The following USO1 variants were observed in gnomAD, a reference collection of about 807,000 sequenced individuals.
The protein encoded by USO1 is USO1 vesicle transport factor.
In USO1, 57 loss-of-function variants were observed where a neutral mutation model predicts 124.5. The ratio of observed to expected loss-of-function variants is 0.46; its 90% CI spans 0.37 to 0.57. The LOEUF (loss-of-function observed/expected upper bound fraction) is 0.57, where lower values mean the gene tolerates loss of function less well. USO1 is among the 20% of genes least tolerant of loss of function. The pLI is 0.00. For synonymous variants in USO1, 369 were observed against 362.8 expected (o/e 1.02, Z -0.19); for missense variants, 900 against 1,040.6 (o/e 0.86, Z 1.86).
chr4:75,809,332 A>G (rs1723081614), intron 21 of USO1, among the ~76,000 whole-genome samples: 1 of 152,128 alleles, frequency 6.6e-6, no homozygotes. Flanking sequence ...CTGCTGTCAT[A>G]AAATATTCAG....
intron 7 of USO1, among the ~76,000 whole-genome samples, chr4:75,773,325 T>C (rs1343184870): frequency 6.6e-6 from 1 of 150,768 alleles, no homozygotes; most frequent in Non-Finnish European, 1.5e-5. Flanking sequence ...CTTTTTTTTA[T>C]TTTAATAAAC....
At position 75,800,675 on chromosome 4, in the gene USO1, A is replaced by T; in HGVS notation, c.1740A>T (p.Lys580Asn). ...KRIGKENFIE[K>N]LGFISKHELY... ...TTGGCAAAGAGAATTTCATAGAGAAACTAGGATTTATTAGCAAACATGAGT... is the reference window on the plus strand; with the variant it reads ...TTGGCAAAGAGAATTTCATAGAGAATCTAGGATTTATTAGCAAACATGAGT... The change falls in exon 16 of 24, where the codon AAA becomes AAT. Residue 580 changes from lysine (K) to asparagine (N), a missense_variant. This residue lies in a region of USO1 where 538 missense variants were observed against 681.6 expected (regional missense o/e 0.79). Coordinates refer to ENST00000514213, the MANE Select transcript of USO1 (RefSeq NM_003715.4). 1 of 1,598,950 alleles carries T rather than the reference A, an allele frequency of 6.3e-7. No individual in the cohort carries two copies. Among genetic ancestry groups the T allele is most frequent in the Non-Finnish European group, 8.5e-7 (1 of 1,175,706 alleles).
intron 4 of USO1, among the ~76,000 whole-genome samples, chr4:75,765,597 G>A (rs1721747985): frequency 6.6e-6 from 1 of 150,544 alleles, no homozygotes; most frequent in South Asian, 2.1e-4. Flanking sequence ...AAATAAAATG[G>A]GAAGGGTGTG....
chr4:75,805,166 T>TA lies in USO1; in HGVS notation c.2153dup (p.Tyr718Ter). 6.2e-7 allele frequency: 1 copy of TA among 1,605,162 alleles called. No individual in the cohort carries two copies. Among genetic ancestry groups the TA allele is most frequent in the South Asian group, 1.1e-5 (1 of 89,224 alleles). Residue 718 changes from tyrosine to a stop codon, truncating the protein, a stop_gained and frameshift_variant, in exon 19 of 24, where the codon TAC (tyrosine) becomes TAAC (stop). Transcript: ENST00000514213. LOFTEE classifies it high-confidence loss of function. ...AAAAGACAATCAGCATCAAGGTTCTTACAGTGAGGGGGCTCAGATGAATGG... is the reference window on the plus strand; with the variant it reads ...AAAAGACAATCAGCATCAAGGTTCTTAACAGTGAGGGGGCTCAGATGAATGG... ...LGKDNQHQGS[Y>*]SEGAQMNGIQ...
At chr4:75,770,987 G>A in intron 6 of USO1, 63 bp downstream of exon 6, 1 of 1,596,996 alleles carries the variant, frequency 6.3e-7, no homozygotes, top group Non-Finnish European at 8.5e-7. Flanking sequence ...CCTAGAGAAA[G>A]GGACTGAAAT....
intron 12 of USO1, among the ~76,000 whole-genome samples, chr4:75,791,916 G>A (rs1474138850): frequency 1.3e-5 from 2 of 151,792 alleles, no homozygotes; most frequent in Non-Finnish European, 2.9e-5. Context: ...TTTTAGAAAT[G>A]TTGTTTTTAA....
chr4:75,808,468 TC>T (rs1409134427), intron 20 of USO1, among the ~76,000 whole-genome samples: 3 of 152,126 alleles, frequency 2.0e-5, no homozygotes, highest in Non-Finnish European at 4.4e-5. Context: ...TATCTGTACT[TC>T]CAGTGGTATC....
chr4:75,790,862 A>T, intron 12 of USO1, 65 bp downstream of exon 12: 8 of 1,431,124 alleles, frequency 5.6e-6, no homozygotes, highest in Non-Finnish European at 7.3e-6. Context: ...CTTTTAATTG[A>T]TTCTTTCTTT....
At chr4:75,750,436 T>TAA (rs1399409460) in intron 1 of USO1, among the ~76,000 whole-genome samples, 135 of 150,682 alleles carry the variant, frequency 9.0e-4, no homozygotes, top group African/African-American at 3.1e-3. Context: ...AGACCCCATC[T>TAA]AAAAAAAAAG....
In USO1 at chr4:75,813,419, T is replaced by C; in HGVS notation, c.*124T>C. 9.4e-7 allele frequency: 1 copy of C among 1,062,980 alleles called. No individual in the cohort carries two copies. The highest frequency in any genetic ancestry group is 1.2e-6 in the Non-Finnish European group (1 of 804,130). The allele number at this position is 1,062,980 out of a possible 1,614,324, so 65.8% of individuals were successfully genotyped here. A position where few individuals can be genotyped will look rare whatever the true frequency, so the allele number is the denominator to read the frequency against. On this transcript the variant is annotated 3_prime_UTR_variant, in exon 24 of 24. Transcript: ENST00000514213. Reference sequence around the variant, plus strand: ...GGTGGAAAACATTCACTATTAAGACTATTGATATATTTTTGTAATGTTGCC... The same window carrying C: ...GGTGGAAAACATTCACTATTAAGACCATTGATATATTTTTGTAATGTTGCC...
intron 8 of USO1, among the ~76,000 whole-genome samples, chr4:75,782,172 A>G (rs1056946500): frequency 2.0e-5 from 3 of 152,224 alleles, no homozygotes; most frequent in Non-Finnish European, 4.4e-5. Flanking sequence ...TAGAGATCAA[A>G]TAAGATATGG....
At chr4:75,783,352 C>G (rs1011369338) in intron 9 of USO1, among the ~76,000 whole-genome samples, 1 of 152,062 alleles carries the variant, frequency 6.6e-6, no homozygotes, top group South Asian at 2.1e-4. Context: ...AGTTTTAAGT[C>G]CAAAACATGT....
chr4:75,778,765 T>A (rs1363487995), intron 8 of USO1, among the ~76,000 whole-genome samples: 1 of 152,186 alleles, frequency 6.6e-6, no homozygotes, highest in African/African-American at 2.4e-5. Context: ...TAATGTAAAC[T>A]GTGGACTTTA....
intron 7 of USO1, among the ~76,000 whole-genome samples, chr4:75,773,316 T>C (rs867709268): frequency 1.3e-5 from 2 of 151,380 alleles, no homozygotes; most frequent in South Asian, 4.2e-4. Context: ...TTTTATAACC[T>C]TTTTTTTATT....
At chr4:75,790,540 G>T (rs1444018095) in intron 11 of USO1, 103 bp from the exon 12 acceptor site, 1 of 1,456,910 alleles carries the variant, frequency 6.9e-7, no homozygotes, top group African/African-American at 1.4e-5. Context: ...TAACTTGCTG[G>T]TGTTCTGGTT....
At chr4:75,756,298 T>C (rs1428587176) in intron 3 of USO1, among the ~76,000 whole-genome samples, 1 of 151,494 alleles carries the variant, frequency 6.6e-6, no homozygotes, top group Non-Finnish European at 1.5e-5. Context: ...AGCCAGAGAA[T>C]GTGGGTGGCC....
chr4:75,803,100 A>AG (rs1467017438), intron 17 of USO1, among the ~76,000 whole-genome samples: 2 of 148,462 alleles, frequency 1.3e-5, no homozygotes, highest in African/African-American at 4.9e-5. Flanking sequence ...AAAAAAAAAA[A>AG]CCCAAGAAAA....
chr4:75,735,903 T>A (rs1444527265), intron 1 of USO1, among the ~76,000 whole-genome samples: 1 of 152,196 alleles, frequency 6.6e-6, no homozygotes, highest in Non-Finnish European at 1.5e-5. Context: ...TGTGTAGCAA[T>A]GAATATAAAT....
intron 19 of USO1, among the ~76,000 whole-genome samples, chr4:75,806,140 C>T (rs1427894677): frequency 6.6e-6 from 1 of 152,038 alleles, no homozygotes; most frequent in African/African-American, 2.4e-5. Flanking sequence ...TATAGGTGCA[C>T]GCTGCCACGT....
Sources: gnomAD v4.1 joint callset for allele counts (sites outside exome capture counted in the v4.1 genomes callset) on GRCh38, gnomAD v4.1.1 for gene constraint, gnomAD v4.1.1 regional missense constraint, MANE v1.5 for transcripts, NCBI Gene and HGNC (gene_info 2026-07-23, HGNC 2026-07-21) for gene names.